The following GNA12 variants were observed in gnomAD, a reference collection of about 807,000 sequenced individuals.
The protein encoded by GNA12 is G protein subunit alpha 12.
In GNA12, 9 loss-of-function variants were observed where a neutral mutation model predicts 26.0. The observed-to-expected ratio is 0.35, with a 90% CI of 0.21 to 0.60. GNA12 has a LOEUF of 0.60. Among genes scored for constraint, GNA12 ranks in the 20% least tolerant of loss-of-function variants. The probability of loss-of-function intolerance (pLI) is 0.78; values close to 1 mark genes in which losing one functional copy is unlikely to be tolerated. For missense variants in GNA12, 405 were observed against 525.8 expected (o/e 0.77, Z 2.25); for synonymous variants, 264 against 219.6 (o/e 1.20, Z -1.79).
intron 1 of GNA12, among the ~76,000 whole-genome samples, chr7:2,808,531 C>T (rs983504977): frequency 1.3e-5 from 2 of 152,142 alleles, no homozygotes; most frequent in African/African-American, 2.4e-5. Flanking sequence ...GGACCTGGGC[C>T]GCACAGGAGG....
intron 2 of GNA12, among the ~76,000 whole-genome samples, chr7:2,734,823 G>A (rs1790078929): frequency 6.6e-6 from 1 of 152,168 alleles, no homozygotes; most frequent in Non-Finnish European, 1.5e-5. Flanking sequence ...GGGCGAGCAC[G>A]TGCACCTCGT....
intron 1 of GNA12, among the ~76,000 whole-genome samples, chr7:2,837,914 T>C (rs1325496082): frequency 1.3e-5 from 2 of 152,082 alleles, no homozygotes; most frequent in Non-Finnish European, 1.5e-5. Flanking sequence ...CTAATGAGTT[T>C]TTAAAATCAC....
chr7:2,811,423 G>C (rs368000881), intron 1 of GNA12, among the ~76,000 whole-genome samples: 3 of 152,242 alleles, frequency 2.0e-5, no homozygotes, highest in Non-Finnish European at 4.4e-5. Context: ...AGAAAGCCCA[G>C]AACAACCAGG....
chr7:2,762,924 G>T, intron 2 of GNA12: 1 of 1,404,518 alleles, frequency 7.1e-7, no homozygotes, highest in Non-Finnish European at 9.3e-7. Context: ...CACAGGCGGG[G>T]ACGCCCCAGA....
intron 2 of GNA12, among the ~76,000 whole-genome samples, chr7:2,757,045 A>G (rs1422509757): frequency 3.3e-5 from 5 of 151,618 alleles, no homozygotes; most frequent in Admixed American, 6.6e-5. Context: ...GTGGCACTCC[A>G]GTCTGGGCAA....
Position 2,755,838 on chromosome 7 carries a change from T to G in GNA12, c.526-22337A>C, listed in dbSNP as rs558043256. On this transcript the variant is annotated intron_variant, in intron 2 of 3. Coordinates refer to ENST00000275364, the MANE Select transcript of GNA12 (RefSeq NM_007353.3). ...GCAAAAAATTTGAAACCTAAATAAT[T>G]GGAGAGTTATGTCATATTCATGAAA... Among the ~76,000 whole-genome samples the G allele has an allele frequency of 3.9e-5, 6 of 152,328 alleles. No individual in the cohort carries two copies. The East Asian group carries it at 1.2e-3, about 29-fold the overall frequency.
At chr7:2,787,425 C>T (rs1252333251) in intron 2 of GNA12, among the ~76,000 whole-genome samples, 52 of 152,192 alleles carry the variant, frequency 3.4e-4, no homozygotes, top group Admixed American at 3.3e-3. Flanking sequence ...TCGCCTGTCA[C>T]CCACCGCTCT....
intron 2 of GNA12, among the ~76,000 whole-genome samples, chr7:2,791,213 TCTTA>T (rs780709574): frequency 4.7e-5 from 7 of 149,328 alleles, no homozygotes; most frequent in Non-Finnish European, 1.0e-4. Context: ...TCCTGCTCTG[TCTTA>T]CTTAACTGTG....
intron 2 of GNA12, among the ~76,000 whole-genome samples, chr7:2,783,251 C>T (rs1792274168): frequency 1.3e-5 from 2 of 152,318 alleles, no homozygotes; most frequent in Middle Eastern, 6.8e-3. Flanking sequence ...TTGGCTTCTA[C>T]CAGGCACTTG....
chr7:2,731,108 C>G lies in GNA12; in HGVS notation c.*73G>C. On this transcript the variant is annotated 3_prime_UTR_variant, in exon 4 of 4. Coordinates refer to ENST00000275364, the MANE Select transcript of GNA12 (RefSeq NM_007353.3). The surrounding 1 kb of genome is among the most constrained non-coding windows in gnomAD (Gnocchi z 6.0). Reference sequence around the variant, plus strand: ...GAAACCCACTCAAGGACCACACAGACAACACACACCCAAGAGTCTGACCGA... The same window carrying G: ...GAAACCCACTCAAGGACCACACAGAGAACACACACCCAAGAGTCTGACCGA... The G allele has an allele frequency of 9.8e-7, 1 of 1,018,654 alleles. No individual in the cohort carries two copies. Among genetic ancestry groups the G allele is most frequent in the Non-Finnish European group, 1.5e-6 (1 of 675,128 alleles). 63.1% of individuals were successfully genotyped at this position (1,018,654 alleles called of 1,614,324 possible).
intron 2 of GNA12, among the ~76,000 whole-genome samples, chr7:2,788,640 G>A (rs1221326689): frequency 1.3e-5 from 2 of 152,198 alleles, no homozygotes; most frequent in Admixed American, 1.3e-4. Flanking sequence ...AGGAAAGTTA[G>A]ATAGTGAGGA....
chr7:2,842,672 T>C (rs1466915039), intron 1 of GNA12, among the ~76,000 whole-genome samples: 8 of 152,206 alleles, frequency 5.3e-5, no homozygotes, highest in Admixed American at 3.3e-4. Context: ...TGGAGATTCA[T>C]TGCAATGCAT....
chr7:2,833,806 C>A (rs560166020), intron 1 of GNA12, among the ~76,000 whole-genome samples: 4 of 152,092 alleles, frequency 2.6e-5, no homozygotes, highest in African/African-American at 9.7e-5. Flanking sequence ...CAGCATCAAG[C>A]CTAAAGAGGC....
intron 1 of GNA12, among the ~76,000 whole-genome samples, chr7:2,827,972 G>A (rs1201591009): frequency 6.6e-6 from 1 of 152,028 alleles, no homozygotes; most frequent in Non-Finnish European, 1.5e-5. Context: ...TACTTTACCA[G>A]AAGAGTTCTA....
At chr7:2,733,163 G>A (rs1346163211) in intron 3 of GNA12, among the ~76,000 whole-genome samples, 1 of 152,180 alleles carries the variant, frequency 6.6e-6, no homozygotes, top group East Asian at 1.9e-4. Context: ...TTGTTTTTGA[G>A]TATGTTTGAA....
At chr7:2,812,087 C>G (rs545605872) in intron 1 of GNA12, among the ~76,000 whole-genome samples, 1 of 152,374 alleles carries the variant, frequency 6.6e-6, no homozygotes, top group African/African-American at 2.4e-5. Flanking sequence ...AAAAAACTCT[C>G]AAGAGAACTT....
chr7:2,735,940 T>C (rs1790150495), intron 2 of GNA12, among the ~76,000 whole-genome samples: 1 of 152,132 alleles, frequency 6.6e-6, no homozygotes, highest in Non-Finnish European at 1.5e-5. Flanking sequence ...TCCAGAACGC[T>C]GTCACTCACA....
intron 2 of GNA12, among the ~76,000 whole-genome samples, chr7:2,738,201 G>C (rs545352875): frequency 2.5e-4 from 38 of 152,118 alleles, no homozygotes; most frequent in Non-Finnish European, 5.3e-4. Flanking sequence ...AATCACTTGA[G>C]GTCAGGAGTT....
intron 2 of GNA12, among the ~76,000 whole-genome samples, chr7:2,742,330 TGAA>T (rs1327993943): frequency 2.0e-5 from 3 of 152,154 alleles, no homozygotes; most frequent in Admixed American, 2.0e-4. Flanking sequence ...CTGAGATTTT[TGAA>T]GAAGAGGGCT....
Sources: allele counts gnomAD v4.1 joint callset (sites outside exome capture counted in the v4.1 genomes callset), GRCh38; gene constraint gnomAD v4.1.1; non-coding constraint Gnocchi (gnomAD v3.1); transcripts MANE v1.5; gene names NCBI Gene and HGNC (gene_info 2026-07-23, HGNC 2026-07-21).